HPCAL1: variants seen among roughly 807,000 people sequenced by gnomAD.
HPCAL1 encodes hippocalcin-like protein 1.
Under a neutral mutation model 17.1 loss-of-function variants are expected in HPCAL1, and 8 were observed. The observed-to-expected ratio is 0.47, with a 90% CI of 0.27 to 0.84. The LOEUF is 0.84. Among genes scored for constraint, HPCAL1 ranks in the 40% least tolerant of loss-of-function variants. The pLI, the probability that HPCAL1 is intolerant of heterozygous loss-of-function variation, is 0.13. For synonymous variants in HPCAL1, 112 were observed against 111.4 expected (o/e 1.01, Z -0.03); for missense variants, 165 against 271.1 (o/e 0.61, Z 2.75).
At chr2:10,397,268 G>A (rs1456015454) in intron 2 of HPCAL1, among the ~76,000 whole-genome samples, 1 of 152,138 alleles carries the variant, frequency 6.6e-6, no homozygotes. Context: ...AGGACGTGTG[G>A]GTGAGGGCAA....
At chr2:10,329,413 C>T (rs137944392) in intron 1 of HPCAL1, among the ~76,000 whole-genome samples, 17 of 152,024 alleles carry the variant, frequency 1.1e-4, no homozygotes, top group Non-Finnish European at 2.2e-4. Flanking sequence ...GCAGTGAGCC[C>T]GAGGGAGGTG....
chr2:10,307,130 G>GTCT (rs147542564), intron 1 of HPCAL1, among the ~76,000 whole-genome samples: 15,929 of 152,194 alleles, frequency 0.1, 916 homozygotes, highest in Middle Eastern at 0.19. Context: ...GAGACAAGAG[G>GTCT]TCTTCTCCAG....
chr2:10,314,138 A>G (rs1033017222), intron 1 of HPCAL1, among the ~76,000 whole-genome samples: 44 of 140,106 alleles, frequency 3.1e-4, no homozygotes, highest in Admixed American at 2.2e-3. Context: ...CGTCTCAGGG[A>G]AAAAAAAAAA....
intron 1 of HPCAL1, among the ~76,000 whole-genome samples, chr2:10,338,390 G>A (rs996441002): frequency 6.6e-6 from 1 of 152,136 alleles, no homozygotes; most frequent in South Asian, 2.1e-4. Flanking sequence ...GGATCAGTGC[G>A]GCCTGGATAT....
At chr2:10,386,639 CAG>C (rs1232518818) in intron 1 of HPCAL1, among the ~76,000 whole-genome samples, 1 of 152,126 alleles carries the variant, frequency 6.6e-6, no homozygotes, top group Non-Finnish European at 1.5e-5. Context: ...AGGTGGGTGT[CAG>C]GGGCTTTGAA....
rs1326555990 is a variant in HPCAL1 at position 10,394,652 on chromosome 2, C to T, written c.-110-2183C>T. ...TGCGGACCTGGGGGGTGATGATGGT[C>T]AGTGCAGGTCCCTCAGTTGTAACAA... On this transcript the variant is annotated intron_variant, in intron 1 of 4. Coordinates refer to ENST00000307845, the MANE Select transcript of HPCAL1 (RefSeq NM_002149.4). This position sits in a 1 kb window ranked among gnomAD's most constrained non-coding sequence, Gnocchi z 5.0. Among the ~76,000 whole-genome samples, 4 of 152,098 alleles carry T rather than the reference C, an allele frequency of 2.6e-5. No individual in the cohort carries two copies. The highest frequency in any genetic ancestry group is 1.3e-4 in the Admixed American group (2 of 15,274).
At chr2:10,424,703 C>T in intron 4 of HPCAL1, 2 of 458,468 alleles carry the variant, frequency 4.4e-6, no homozygotes, top group South Asian at 3.1e-5. Context: ...ACCCGCCTGT[C>T]CCTGGAGCTT....
chr2:10,378,519 G>C (rs1035221857), intron 1 of HPCAL1, among the ~76,000 whole-genome samples: 4 of 152,118 alleles, frequency 2.6e-5, no homozygotes, highest in African/African-American at 9.7e-5. Context: ...CTGCTTTGCA[G>C]GTGGCTTTTT....
chr2:10,424,238 G>A, intron 4 of HPCAL1: 1 of 335,800 alleles, frequency 3.0e-6, no homozygotes, highest in Non-Finnish European at 6.0e-6. Context: ...TGGGGGAGCT[G>A]TAAGCAGCAA....
rs796538911 is a variant in HPCAL1 at position 10,395,244 on chromosome 2, T to C, written c.-110-1591T>C. Among the ~76,000 whole-genome samples, 9 of 152,216 alleles carry C rather than the reference T, an allele frequency of 5.9e-5. No homozygotes were observed. The highest frequency in any genetic ancestry group is 2.2e-4 in the African/African-American group (9 of 41,530). On this transcript the variant is annotated intron_variant, in intron 1 of 4. Transcript: ENST00000307845. This position sits in a 1 kb window ranked among gnomAD's most constrained non-coding sequence, Gnocchi z 4.4. ...TTTGTCAGGTCTTGAATTCTAGCAG[T>C]GAGTTTACATTCCATAATTGGCCTA...
In HPCAL1 at chr2:10,304,307, GT is replaced by G. The variant is rs1333433584; in HGVS notation, c.-111+1131del. On this transcript the variant is annotated intron_variant, in intron 1 of 4. Coordinates refer to ENST00000307845, the MANE Select transcript of HPCAL1 (RefSeq NM_002149.4). This position sits in a 1 kb window ranked among gnomAD's most constrained non-coding sequence, Gnocchi z 4.1. ...AGTCCGGGAGGATGCAGCTCAGCTC[GT>G]GGAGTCCGAGAGTCACGGCGTAAAA... Among the ~76,000 whole-genome samples the G allele has an allele frequency of 6.6e-6, 1 of 152,230 alleles. No homozygotes were observed. Among genetic ancestry groups the G allele is most frequent in the African/African-American group, 2.4e-5 (1 of 41,474 alleles).
At chr2:10,371,104 C>T (rs1017852296) in intron 1 of HPCAL1, among the ~76,000 whole-genome samples, 3 of 152,152 alleles carry the variant, frequency 2.0e-5, no homozygotes, top group African/African-American at 7.2e-5. Flanking sequence ...TGGGTGTTAC[C>T]AGGGCCTGGA....
intron 2 of HPCAL1, among the ~76,000 whole-genome samples, chr2:10,417,452 C>G (rs1265703298): frequency 6.6e-6 from 1 of 152,166 alleles, no homozygotes; most frequent in Non-Finnish European, 1.5e-5. Context: ...TCCTCATAAG[C>G]CCTTCCAGAG....
intron 2 of HPCAL1, among the ~76,000 whole-genome samples, chr2:10,403,606 C>T (rs1669781702): frequency 1.3e-5 from 2 of 152,038 alleles, no homozygotes; most frequent in Non-Finnish European, 2.9e-5. Flanking sequence ...GCCTCAGCCT[C>T]CTGAGTAGCT....
chr2:10,380,329 AG>A lies in HPCAL1; in HGVS notation c.-110-16503del, dbSNP rs535615353. Among the ~76,000 whole-genome samples, 848 of 152,270 alleles carry A rather than the reference AG, an allele frequency of 5.6e-3. 2 individuals carry two copies. The highest frequency in any genetic ancestry group is 0.01 in the Non-Finnish European group (693 of 68,018). ...CAGCCCCCATCTTAGTGGGCACACC[AG>A]GGCCCACGAGATCTGGGGACTATTT... On this transcript the variant is annotated intron_variant, in intron 1 of 4. Coordinates refer to ENST00000307845, the MANE Select transcript of HPCAL1 (RefSeq NM_002149.4).
intron 2 of HPCAL1, among the ~76,000 whole-genome samples, chr2:10,414,502 ATCTCCTCT>A (rs1558530398): frequency 6.6e-6 from 1 of 151,938 alleles, no homozygotes; most frequent in Non-Finnish European, 1.5e-5. Flanking sequence ...CTGTGTCCTC[ATCTCCTCT>A]TCTTATAAGG....
intron 2 of HPCAL1, among the ~76,000 whole-genome samples, chr2:10,414,283 G>A (rs542829229): frequency 9.8e-5 from 15 of 152,348 alleles, no homozygotes; most frequent in African/African-American, 3.1e-4. Context: ...GGTGGCTGCT[G>A]TGCTACTGTA....
chr2:10,326,104 G>A lies in HPCAL1; in HGVS notation c.-111+22927G>A, dbSNP rs142647403. Among the ~76,000 whole-genome samples, 1,452 of 152,298 alleles carry A rather than the reference G, an allele frequency of 9.5e-3. 13 individuals carry two copies. The highest frequency in any genetic ancestry group is 0.012 in the Non-Finnish European group (798 of 68,036). The stretch of plus-strand genomic sequence containing the variant: ...CCTGTCCGTCATCCTCTCTGGGTTC[G>A]ACACCATCTCAGGGTACTCATGCCT... On this transcript the variant is annotated intron_variant, in intron 1 of 4. Transcript: ENST00000307845.
rs891329179 is a variant in HPCAL1 at position 10,384,910 on chromosome 2, A to G, written c.-110-11925A>G. On this transcript the variant is annotated intron_variant, in intron 1 of 4. Coordinates refer to ENST00000307845, the MANE Select transcript of HPCAL1 (RefSeq NM_002149.4). The surrounding 1 kb of genome is among the most constrained non-coding windows in gnomAD (Gnocchi z 4.4). ...GCCGAGGTGGGTGGATCACAAGGTC[A>G]AGAGATGGAGACCATCCTGGCCAAC... Among the ~76,000 whole-genome samples the G allele has an allele frequency of 6.6e-6, 1 of 152,082 alleles. No individual in the cohort carries two copies. The highest frequency in any genetic ancestry group is 2.4e-5 in the African/African-American group (1 of 41,406).
Sources: allele counts gnomAD v4.1 joint callset (sites outside exome capture counted in the v4.1 genomes callset), GRCh38; gene constraint gnomAD v4.1.1; non-coding constraint Gnocchi (gnomAD v3.1); transcripts MANE v1.5; gene names NCBI Gene and HGNC (gene_info 2026-07-23, HGNC 2026-07-21).